KIAA0319: variants seen among roughly 807,000 people sequenced by gnomAD.
KIAA0319 encodes KIAA0319.
A neutral mutation model predicts 108.4 loss-of-function variants in KIAA0319; 83 were observed. The ratio of observed to expected loss-of-function variants is 0.77; its 90% CI spans 0.64 to 0.92. The LOEUF (loss-of-function observed/expected upper bound fraction) is 0.92. KIAA0319 is among the 40% of genes least tolerant of loss of function. The pLI, the probability that KIAA0319 is intolerant of heterozygous loss-of-function variation, is 0.00. For missense variants in KIAA0319, 1,195 were observed against 1,322.4 expected (o/e 0.90, Z 1.49); for synonymous variants, 484 against 510.4 (o/e 0.95, Z 0.70).
At chr6:24,638,751 C>T (rs1287844954) in intron 1 of KIAA0319, among the ~76,000 whole-genome samples, 4 of 106,542 alleles carry the variant, frequency 3.8e-5, no homozygotes, top group Non-Finnish European at 5.5e-5. Context: ...CAGTGCCAGA[C>T]TCCGTCTCAA....
chr6:24,556,748 G>C lies in KIAA0319; in HGVS notation c.2735-19C>G, dbSNP rs1581905538. ...AGGCAACCTGCAAAGAGGTGTGTAG[G>C]GCTGAGGGCAGCATGCAGAAAAGGG... On this transcript the variant is annotated intron_variant, in intron 17 of 20. Coordinates refer to ENST00000378214, the MANE Select transcript of KIAA0319 (RefSeq NM_014809.4). The C allele has an allele frequency of 6.2e-7, 1 of 1,604,142 alleles. No homozygotes were observed. The highest frequency in any genetic ancestry group is 1.1e-5 in the South Asian group (1 of 89,806).
At chr6:24,603,603 C>T (rs991485971) in intron 1 of KIAA0319, among the ~76,000 whole-genome samples, 1 of 151,990 alleles carries the variant, frequency 6.6e-6, no homozygotes. Context: ...TTCCGCACCC[C>T]TGTTTCCAGA....
intron 1 of KIAA0319, among the ~76,000 whole-genome samples, chr6:24,607,469 T>TG (rs1771597410): frequency 6.6e-6 from 1 of 152,010 alleles, no homozygotes; most frequent in Non-Finnish European, 1.5e-5. Flanking sequence ...TAAAATACTT[T>TG]GGTTCAGGTA....
intron 9 of KIAA0319, 50 bp downstream of exon 9, chr6:24,578,060 A>G: frequency 6.5e-7 from 1 of 1,530,248 alleles, no homozygotes; most frequent in South Asian, 1.3e-5. Context: ...TTAAAGAAAC[A>G]GTCAAAATGT....
intron 16 of KIAA0319, among the ~76,000 whole-genome samples, chr6:24,561,748 C>T (rs755308241): frequency 6.6e-6 from 1 of 151,998 alleles, no homozygotes; most frequent in Non-Finnish European, 1.5e-5. Context: ...CTCTGTCACC[C>T]AGGCTGAAGT....
intron 3 of KIAA0319, among the ~76,000 whole-genome samples, chr6:24,589,334 G>T (rs10456309): frequency 0.031 from 4,788 of 152,244 alleles, 122 homozygotes; most frequent in Middle Eastern, 0.085. Context: ...ACCCAACCCT[G>T]CTGGCATCCT....
intron 11 of KIAA0319, 80 bp downstream of exon 11, chr6:24,572,495 G>T: frequency 6.7e-7 from 1 of 1,501,554 alleles, no homozygotes; most frequent in African/African-American, 1.4e-5. Context: ...ACCACCAAGT[G>T]TGGCATCTCC....
intron 8 of KIAA0319, among the ~76,000 whole-genome samples, chr6:24,579,588 CAGA>C (rs1766153574): frequency 6.7e-6 from 1 of 148,976 alleles, no homozygotes. Flanking sequence ...TATACCACAC[CAGA>C]AGGAGATTCT....
intron 1 of KIAA0319, among the ~76,000 whole-genome samples, chr6:24,632,873 A>T (rs1333588431): frequency 6.6e-6 from 1 of 152,184 alleles, no homozygotes; most frequent in Non-Finnish European, 1.5e-5. Flanking sequence ...TGTGGGATAA[A>T]ATGACTCCCT....
chr6:24,563,225 G>A (rs1448570570), intron 16 of KIAA0319, 134 bp downstream of exon 16: 1 of 979,534 alleles, frequency 1.0e-6, no homozygotes, highest in East Asian at 2.7e-5. Flanking sequence ...GAGAAAAAAA[G>A]TATATGAATG....
chr6:24,592,240 T>C (rs1031672405), intron 3 of KIAA0319, among the ~76,000 whole-genome samples: 3 of 152,218 alleles, frequency 2.0e-5, no homozygotes, highest in Non-Finnish European at 2.9e-5. Flanking sequence ...ATTCATTCTT[T>C]TGCATGTAAA....
Position 24,576,593 on chromosome 6 carries a change from C to CA in KIAA0319, c.1508dup (p.Leu503PhefsTer11), listed in dbSNP as rs868182703. On this transcript the variant is annotated frameshift_variant, in exon 10 of 21. Transcript: ENST00000378214. LOFTEE classifies it high-confidence loss of function. ...TGGCTCCGTCCGAGTCTGTAACAGT[C>CA]AACCTACAAAAAGGAGAAGAAGCCG... The CA allele has an allele frequency of 5.0e-6, 8 of 1,612,996 alleles. No individual in the cohort carries two copies. The highest frequency in any genetic ancestry group is 6.8e-6 in the Non-Finnish European group (8 of 1,179,120).
At chr6:24,581,367 G>A (rs1466851587) in intron 6 of KIAA0319, among the ~76,000 whole-genome samples, 2 of 152,190 alleles carry the variant, frequency 1.3e-5, no homozygotes, top group Non-Finnish European at 2.9e-5. Flanking sequence ...CACACTTTGA[G>A]AAACACAGCT....
At position 24,583,268 on chromosome 6, in the gene KIAA0319, C is replaced by T. The variant is rs1441316134; in HGVS notation, c.1093+336G>A. On this transcript the variant is annotated intron_variant, in intron 5 of 20. Coordinates refer to ENST00000378214, the MANE Select transcript of KIAA0319 (RefSeq NM_014809.4). ...GGTGCACGCCACTTCCCTCTCATCCCGGTGGAATCTTCCCAGGTTCTATGG... is the reference window on the plus strand; with the variant it reads ...GGTGCACGCCACTTCCCTCTCATCCTGGTGGAATCTTCCCAGGTTCTATGG... 5.9e-6 allele frequency: 6 copies of T among 1,009,238 alleles called. No homozygotes were observed. In the Admixed American group the frequency reaches 1.7e-4, roughly 29 times the overall value. 62.5% of individuals were successfully genotyped at this position (1,009,238 alleles called of 1,614,324 possible).
chr6:24,572,236 G>A (rs571428834), intron 11 of KIAA0319, among the ~76,000 whole-genome samples: 1 of 152,310 alleles, frequency 6.6e-6, no homozygotes, highest in African/African-American at 2.4e-5. Flanking sequence ...ACTGCAACGT[G>A]TTCCCCAATG....
chr6:24,569,070 T>C, intron 12 of KIAA0319, 141 bp from the exon 13 acceptor site: 1 of 825,230 alleles, frequency 1.2e-6, no homozygotes, highest in Admixed American at 2.6e-5. Flanking sequence ...ACTCCATTCA[T>C]CTGTACTCTC....
intron 1 of KIAA0319, among the ~76,000 whole-genome samples, chr6:24,638,337 C>A (rs1458688704): frequency 1.3e-5 from 2 of 152,108 alleles, no homozygotes; most frequent in Non-Finnish European, 2.9e-5. Context: ...GGAGCAATAT[C>A]TGTGGAAATA....
At chr6:24,570,633 G>C (rs1183954173) in intron 11 of KIAA0319, among the ~76,000 whole-genome samples, 1 of 146,858 alleles carries the variant, frequency 6.8e-6, no homozygotes, top group Admixed American at 6.8e-5. Flanking sequence ...GGAAAGAAGG[G>C]TAAAATGAGA....
intron 1 of KIAA0319, among the ~76,000 whole-genome samples, chr6:24,626,866 G>C (rs115376816): frequency 0.018 from 2,695 of 152,242 alleles, 76 homozygotes; most frequent in African/African-American, 0.06. Flanking sequence ...TGATGAAAAA[G>C]AGAATTTCCA....
Sources: gnomAD v4.1 joint callset for allele counts (sites outside exome capture counted in the v4.1 genomes callset) on GRCh38, gnomAD v4.1.1 for gene constraint, MANE v1.5 for transcripts, NCBI Gene and HGNC (gene_info 2026-07-23, HGNC 2026-07-21) for gene names.